PIR: variants seen among roughly 807,000 people sequenced by gnomAD.
PIR encodes the protein pirin.
Under a neutral mutation model 24.2 loss-of-function variants are expected in PIR, and 22 were observed. That is an observed-to-expected ratio of 0.91 (90% CI 0.65 to 1.30). The LOEUF (loss-of-function observed/expected upper bound fraction) is 1.30, where lower values mean the gene tolerates loss of function less well. PIR is among the 50% of genes most tolerant of loss of function. The probability of loss-of-function intolerance (pLI) is 0.00; values close to 1 mark genes in which losing one functional copy is unlikely to be tolerated. For missense variants in PIR, 220 were observed against 220.3 expected (o/e 1.00, Z 0.01); for synonymous variants, 80 against 79.6 (o/e 1.00, Z -0.03).
chrX:15,469,972 CTA>C, intron 3 of PIR, among the ~76,000 whole-genome samples: 1 of 111,950 alleles, frequency 8.9e-6, no homozygotes, highest in South Asian at 3.7e-4. Context: ...GTTTTATGGT[CTA>C]TGTCACCTGC....
intron 2 of PIR, among the ~76,000 whole-genome samples, chrX:15,483,307 A>G (rs1922616721): frequency 1.8e-5 from 2 of 110,467 alleles, no homozygotes; most frequent in African/African-American, 6.6e-5. Flanking sequence ...ATCCAGTCCA[A>G]TATTTAAAAG....
chrX:15,394,015 C>T (rs1924044284), intron 8 of PIR, among the ~76,000 whole-genome samples: 1 of 110,789 alleles, frequency 9.0e-6, no homozygotes, highest in African/African-American at 3.3e-5. Flanking sequence ...CAGCCACCCC[C>T]ATCTGAGGAA....
At chrX:15,419,268 T>A in intron 6 of PIR, among the ~76,000 whole-genome samples, 1 of 110,879 alleles carries the variant, frequency 9.0e-6, no homozygotes, top group Non-Finnish European at 1.9e-5. Context: ...AATACTTGAA[T>A]TAATTGTTAG....
At chrX:15,435,270 AAG>A (rs770185249) in intron 5 of PIR, among the ~76,000 whole-genome samples, 1 of 112,031 alleles carries the variant, frequency 8.9e-6, no homozygotes, top group South Asian at 3.8e-4. Context: ...GAAAGAAAGA[AAG>A]AAAATTATTT....
At chrX:15,434,000 GAGAAAGA>G (rs1472346562) in intron 5 of PIR, among the ~76,000 whole-genome samples, 8 of 37,470 alleles carry the variant, frequency 2.1e-4, no homozygotes, top group African/African-American at 4.6e-4. Context: ...GAGGAGGAAG[GAGAAAGA>G]AGGAGGAGGA....
At chrX:15,445,296 G>A (rs1926050068) in intron 5 of PIR, among the ~76,000 whole-genome samples, 1 of 111,267 alleles carries the variant, frequency 9.0e-6, no homozygotes, top group Non-Finnish European at 1.9e-5. Context: ...GACCATCATG[G>A]TTTCCTTCCA....
At chrX:15,489,370 C>A (rs771813475) in intron 2 of PIR, among the ~76,000 whole-genome samples, 1 of 112,060 alleles carries the variant, frequency 8.9e-6, no homozygotes, top group Non-Finnish European at 1.9e-5. Flanking sequence ...TAAAACATTG[C>A]TTTCAGAAGA....
At chrX:15,487,810 G>C (rs1020347707) in intron 2 of PIR, among the ~76,000 whole-genome samples, 1 of 112,443 alleles carries the variant, frequency 8.9e-6, no homozygotes, top group African/African-American at 3.2e-5. Context: ...ATCACAGAAA[G>C]GCTCAGTGAG....
chrX:15,451,022 G>C (rs1446483773), intron 5 of PIR, among the ~76,000 whole-genome samples: 1 of 111,193 alleles, frequency 9.0e-6, no homozygotes, highest in East Asian at 2.8e-4. Flanking sequence ...CAAATCACAG[G>C]GGATTATTAC....
intron 3 of PIR, among the ~76,000 whole-genome samples, chrX:15,466,344 C>T (rs1602287911): frequency 9.0e-6 from 1 of 111,520 alleles, no homozygotes; most frequent in Middle Eastern, 4.7e-3. Flanking sequence ...TTCAGGTATT[C>T]GGCCAATGGA....
At chrX:15,394,156 G>C (rs1481093202) in intron 8 of PIR, among the ~76,000 whole-genome samples, 1 of 110,873 alleles carries the variant, frequency 9.0e-6, no homozygotes, top group Non-Finnish European at 1.9e-5. Flanking sequence ...GAAAGAAACT[G>C]TGCTTTAGCA....
At chrX:15,426,038 T>C (rs1384567531) in intron 5 of PIR, 48 bp from the exon 6 acceptor site, 1 of 817,847 alleles carries the variant, frequency 1.2e-6, no homozygotes, top group Non-Finnish European at 1.9e-6. Flanking sequence ...AGAATAAGGT[T>C]CTTCTTTCCT....
intron 6 of PIR, among the ~76,000 whole-genome samples, chrX:15,413,548 G>A (rs113744460): frequency 9.0e-6 from 1 of 111,514 alleles, no homozygotes; most frequent in Non-Finnish European, 1.9e-5. Flanking sequence ...AGCTTGCCAA[G>A]AATAGGCATT....
intron 5 of PIR, among the ~76,000 whole-genome samples, chrX:15,447,624 A>T (rs925590792): frequency 8.9e-6 from 1 of 112,218 alleles, no homozygotes; most frequent in Non-Finnish European, 1.9e-5. Flanking sequence ...GGCTGCTGAT[A>T]CCAGTTTTTA....
At chrX:15,489,657 C>G (rs913298252) in intron 2 of PIR, among the ~76,000 whole-genome samples, 15 of 111,925 alleles carry the variant, frequency 1.3e-4, no homozygotes, top group African/African-American at 4.9e-4. Flanking sequence ...TGCAGGTATC[C>G]TTCAGAAAAC....
intron 2 of PIR, among the ~76,000 whole-genome samples, chrX:15,482,857 C>A (rs1602302613): frequency 3.6e-5 from 4 of 111,142 alleles, no homozygotes; most frequent in African/African-American, 1.3e-4. Context: ...TAAAATTTGT[C>A]TATAAAATCT....
At chrX:15,429,125 T>C (rs1925417427) in intron 5 of PIR, among the ~76,000 whole-genome samples, 1 of 111,477 alleles carries the variant, frequency 9.0e-6, no homozygotes, top group Non-Finnish European at 1.9e-5. Flanking sequence ...TCTGCCCTCC[T>C]GGCTGGCTCT....
intron 7 of PIR, among the ~76,000 whole-genome samples, 190 bp downstream of exon 7, chrX:15,407,316 C>T (rs979225297): frequency 1.8e-5 from 2 of 112,266 alleles, no homozygotes; most frequent in East Asian, 5.6e-4. Flanking sequence ...TCTCTTCCCT[C>T]ACTGAATGTT....
intron 9 of PIR, among the ~76,000 whole-genome samples, chrX:15,385,559 G>T (rs928906120): frequency 2.7e-5 from 3 of 112,106 alleles, no homozygotes; most frequent in African/African-American, 9.7e-5. Context: ...CTTATTTGAG[G>T]ATTCTAAGTC....
Sources: gnomAD v4.1 joint callset for allele counts (sites outside exome capture counted in the v4.1 genomes callset) on GRCh38, gnomAD v4.1.1 for gene constraint, MANE v1.5 for transcripts, NCBI Gene and HGNC (gene_info 2026-07-23, HGNC 2026-07-21) for gene names.